The following GLO1 variants were observed in gnomAD, a reference collection of about 807,000 sequenced individuals.
GLO1 encodes lactoylglutathione lyase.
GLO1 carries 28 observed loss-of-function variants against 26.0 expected under a neutral mutation model. The ratio of observed to expected loss-of-function variants is 1.08; its 90% CI spans 0.80 to 1.48. GLO1 has a LOEUF of 1.48. Among genes scored for constraint, GLO1 ranks in the 40% most tolerant of loss-of-function variants. GLO1 has a pLI of 0.00. For synonymous variants in GLO1, 78 were observed against 77.6 expected (o/e 1.00, Z -0.03); for missense variants, 225 against 224.8 (o/e 1.00, Z -0.01).
chr6:38,684,709 C>T (rs1761437559), intron 2 of GLO1, among the ~76,000 whole-genome samples, 195 bp from the exon 3 acceptor site: 1 of 152,024 alleles, frequency 6.6e-6, no homozygotes, highest in Admixed American at 6.5e-5. Context: ...ATTTGAAATA[C>T]AAAAATGAAA....
At position 38,682,825 on chromosome 6, in the gene GLO1, G is replaced by C. The variant is rs777461475; in HGVS notation, c.359C>G (p.Ser120Ter). 6.2e-7 allele frequency: 1 copy of C among 1,601,160 alleles called. No individual in the cohort carries two copies. Among genetic ancestry groups the C allele is most frequent in the East Asian group, 2.2e-5 (1 of 44,810 alleles). The stretch of plus-strand genomic sequence containing the variant: ...AAACTTACCGAATCCTCGAGGGTCT[G>C]AATTGCCATTGTGGTAACTCTGGGT... The part of the protein sequence containing the change: ...DETQSYHNGN[S>*]DPRGFGHIGI... The change falls in exon 4 of 6, where the codon TCA becomes TGA. Residue 120 changes from serine (S) to a stop codon, truncating the protein, a stop_gained. Coordinates refer to ENST00000373365, the MANE Select transcript of GLO1 (RefSeq NM_006708.3). LOFTEE classifies it high-confidence loss of function.
At chr6:38,683,832 A>C (rs1325885799) in intron 3 of GLO1, among the ~76,000 whole-genome samples, 2 of 152,016 alleles carry the variant, frequency 1.3e-5, no homozygotes, top group Non-Finnish European at 2.9e-5. Context: ...GCTTGCAGTG[A>C]GCCGAGATCG....
intron 1 of GLO1, among the ~76,000 whole-genome samples, chr6:38,702,216 C>T (rs1360037055): frequency 1.3e-5 from 2 of 152,156 alleles, no homozygotes; most frequent in South Asian, 2.1e-4. Flanking sequence ...CGTGAGCCAC[C>T]GCGCCCGCCA....
At chr6:38,686,027 C>A (rs941704430) in intron 2 of GLO1, among the ~76,000 whole-genome samples, 2 of 152,100 alleles carry the variant, frequency 1.3e-5, no homozygotes, top group African/African-American at 4.8e-5. Context: ...AAGTGCCTGG[C>A]AAAAGTGTTC....
intron 4 of GLO1, 55 bp from the exon 5 acceptor site, chr6:38,682,156 G>C: frequency 1.0e-6 from 1 of 955,474 alleles, no homozygotes. Context: ...ATTATAACAG[G>C]GTGTCCAAGT....
At chr6:38,702,751 AGGGTC>A (rs1761723464) in intron 1 of GLO1, among the ~76,000 whole-genome samples, 1 of 152,102 alleles carries the variant, frequency 6.6e-6, no homozygotes, top group Non-Finnish European at 1.5e-5. Context: ...AATTCAAAAC[AGGGTC>A]GCAGTCTTTG....
At chr6:38,701,994 G>A (rs1452435543) in intron 1 of GLO1, among the ~76,000 whole-genome samples, 1 of 148,614 alleles carries the variant, frequency 6.7e-6, no homozygotes, top group African/African-American at 2.5e-5. Flanking sequence ...GCAGTGGCAC[G>A]ATCTCAGCTC....
intron 1 of GLO1, among the ~76,000 whole-genome samples, chr6:38,696,087 C>T (rs981596791): frequency 6.6e-6 from 1 of 152,134 alleles, no homozygotes; most frequent in South Asian, 2.1e-4. Flanking sequence ...AAAAGTATGT[C>T]TACTTCATCT....
At chr6:38,680,761 T>C (rs974277355) in intron 5 of GLO1, among the ~76,000 whole-genome samples, 3 of 151,928 alleles carry the variant, frequency 2.0e-5, no homozygotes, top group Admixed American at 6.6e-5. Context: ...TGTGGTGGCA[T>C]GTGCCTGTGG....
intron 1 of GLO1, among the ~76,000 whole-genome samples, chr6:38,695,581 G>A (rs954460600): frequency 3.3e-5 from 5 of 152,110 alleles, no homozygotes; most frequent in African/African-American, 1.2e-4. Flanking sequence ...AGAGGGGAAA[G>A]CCTGGCAGGA....
intron 5 of GLO1, among the ~76,000 whole-genome samples, chr6:38,680,184 GCAT>G (rs1761350166): frequency 6.6e-6 from 1 of 152,144 alleles, no homozygotes; most frequent in African/African-American, 2.4e-5. Flanking sequence ...AGACATAAAG[GCAT>G]CATCCTCAGT....
chr6:38,676,112 T>C lies in GLO1; in HGVS notation c.*1183A>G, dbSNP rs977688758. The C allele has an allele frequency of 3.9e-5, 6 of 152,178 alleles. No individual in the cohort carries two copies. The highest frequency in any genetic ancestry group is 1.4e-4 in the African/African-American group (6 of 41,446). The allele number at this position is 152,178 out of a possible 1,614,324, so 9.4% of individuals were successfully genotyped here. The stretch of plus-strand genomic sequence containing the variant: ...CCACTAGAGTCTAGAGAAATCTAAA[T>C]ATAGTCATCCACAAACTGGATGTTT... On this transcript the variant is annotated 3_prime_UTR_variant, in exon 6 of 6. Coordinates refer to ENST00000373365, the MANE Select transcript of GLO1 (RefSeq NM_006708.3).
intron 1 of GLO1, among the ~76,000 whole-genome samples, chr6:38,698,657 C>CTTTT (rs34080103): frequency 0.011 from 1,157 of 109,980 alleles, 32 homozygotes; most frequent in African/African-American, 0.038. Flanking sequence ...AGAACCTGAC[C>CTTTT]TTTTTTTTTT....
intron 2 of GLO1, among the ~76,000 whole-genome samples, chr6:38,685,742 G>A (rs1349738322): frequency 6.6e-6 from 1 of 152,158 alleles, no homozygotes; most frequent in Non-Finnish European, 1.5e-5. Flanking sequence ...CCAATCAGTT[G>A]GGACTGAAGG....
rs540223083 is a variant in GLO1, at chr6:38,684,346, A to G, written c.308+28T>C. On this transcript the variant is annotated intron_variant, in intron 3 of 5. Transcript: ENST00000373365. ...AAAACTACCTTAAAAAATCTATAAT[A>G]TATATAAATATAGAAACTCATACTC... 26 of 1,162,804 alleles carry G rather than the reference A, an allele frequency of 2.2e-5. 2 individuals carry two copies. In the South Asian group the frequency reaches 3.8e-4, roughly 17 times the overall value. 72.0% of individuals were successfully genotyped at this position (1,162,804 alleles called of 1,614,324 possible).
intron 1 of GLO1, among the ~76,000 whole-genome samples, chr6:38,687,685 T>A (rs746079075): frequency 3.5e-4 from 53 of 152,374 alleles, no homozygotes; most frequent in Admixed American, 1.7e-3. Context: ...GAGTTAAGAT[T>A]ATTAATAGCA....
intron 1 of GLO1, among the ~76,000 whole-genome samples, chr6:38,696,920 CTTTTTTT>C (rs71744977): frequency 7.1e-6 from 1 of 140,100 alleles, no homozygotes; most frequent in South Asian, 2.3e-4. Flanking sequence ...AAGCCTTCTT[CTTTTTTT>C]TTTTTTTTTG....
rs57204119 is a variant in GLO1, at chr6:38,692,891, G to C, written c.85-5917C>G. ...CTAGATATAAACCTCACTTGGTTAA[G>C]GTGTATAATTCTTTCTATATATACT... On this transcript the variant is annotated intron_variant, in intron 1 of 5. Transcript: ENST00000373365. Among the ~76,000 whole-genome samples the C allele has an allele frequency of 8.4e-3, 1,261 of 149,982 alleles. 121 individuals carry two copies. In the East Asian group the frequency reaches 0.19, roughly 23 times the overall value.
At chr6:38,690,858 T>C (rs1761519551) in intron 1 of GLO1, among the ~76,000 whole-genome samples, 1 of 152,230 alleles carries the variant, frequency 6.6e-6, no homozygotes, top group South Asian at 2.1e-4. Flanking sequence ...GATCAAGTTA[T>C]TCTATGCTCA....
Sources: allele counts gnomAD v4.1 joint callset (sites outside exome capture counted in the v4.1 genomes callset), GRCh38; gene constraint gnomAD v4.1.1; transcripts MANE v1.5; gene names NCBI Gene and HGNC (gene_info 2026-07-23, HGNC 2026-07-21).